SH3RF2: variants seen among roughly 807,000 people sequenced by gnomAD.
The protein encoded by SH3RF2 is E3 ubiquitin-protein ligase SH3RF2.
SH3RF2 carries 43 observed loss-of-function variants against 59.0 expected under a neutral mutation model. The observed-to-expected ratio is 0.73, with a 90% CI of 0.57 to 0.94. The LOEUF (loss-of-function observed/expected upper bound fraction) is 0.94. Ranked by LOEUF, SH3RF2 falls within the 40% of genes least tolerant of loss-of-function variation. The pLI is 0.00. For missense variants in SH3RF2, 930 were observed against 940.1 expected (o/e 0.99, Z 0.14); for synonymous variants, 391 against 391.5 (o/e 1.00, Z 0.01).
intron 2 of SH3RF2, among the ~76,000 whole-genome samples, chr5:145,996,121 C>G (rs1405618960): frequency 6.6e-6 from 1 of 152,172 alleles, no homozygotes; most frequent in African/African-American, 2.4e-5. Context: ...TCCACCATTC[C>G]ATCAGCAAAG....
At chr5:146,038,448 A>G (rs913257407) in intron 5 of SH3RF2, among the ~76,000 whole-genome samples, 1 of 152,238 alleles carries the variant, frequency 6.6e-6, no homozygotes, top group African/African-American at 2.4e-5. Context: ...TCTAGAAAAA[A>G]TGTAATGGGA....
At chr5:146,054,619 C>G (rs1580928788) in intron 7 of SH3RF2, among the ~76,000 whole-genome samples, 1 of 152,188 alleles carries the variant, frequency 6.6e-6, no homozygotes, top group African/African-American at 2.4e-5. Context: ...GGTTGAAGTC[C>G]CCTTGCTGCG....
At chr5:145,966,377 C>T (rs1466100747) in intron 2 of SH3RF2, among the ~76,000 whole-genome samples, 1 of 152,090 alleles carries the variant, frequency 6.6e-6, no homozygotes, top group African/African-American at 2.4e-5. Flanking sequence ...TCAATAACAC[C>T]TACATCCTGG....
Position 145,977,646 on chromosome 5 carries a change from C to T in SH3RF2, c.379-22412C>T, listed in dbSNP as rs139543411. Among the ~76,000 whole-genome samples the T allele has an allele frequency of 1.1e-3, 175 of 152,322 alleles. 1 individual carries two copies. The highest frequency in any genetic ancestry group is 4.2e-3 in the African/African-American group (174 of 41,578). On this transcript the variant is annotated intron_variant, in intron 2 of 9. Coordinates refer to ENST00000359120, the MANE Select transcript of SH3RF2 (RefSeq NM_152550.4). ...GGGGTCTTACAGTATCCCCATATGG[C>T]TGGTCCTATTACTATCAGCTTGCTG...
At chr5:145,964,867 T>C (rs1758799509) in intron 2 of SH3RF2, among the ~76,000 whole-genome samples, 2 of 152,164 alleles carry the variant, frequency 1.3e-5, no homozygotes, top group Non-Finnish European at 2.9e-5. Flanking sequence ...CGTAGGCTTT[T>C]GTTATTTCTG....
chr5:145,939,709 T>C lies in SH3RF2; in HGVS notation c.378+1403T>C, dbSNP rs1361959881. Among the ~76,000 whole-genome samples, 4 of 152,130 alleles carry C rather than the reference T, an allele frequency of 2.6e-5. No homozygotes were observed. In the East Asian group the frequency reaches 7.7e-4, roughly 29 times the overall value. ...ATCCACAGGTCTGGAAATGGCGAAG[T>C]AGGGGTGGGGAAGCAAATTGTTCTC... On this transcript the variant is annotated intron_variant, in intron 2 of 9. Coordinates refer to ENST00000359120, the MANE Select transcript of SH3RF2 (RefSeq NM_152550.4).
intron 5 of SH3RF2, among the ~76,000 whole-genome samples, chr5:146,040,353 A>G (rs980111985): frequency 3.9e-5 from 6 of 152,194 alleles, no homozygotes; most frequent in Non-Finnish European, 7.3e-5. Flanking sequence ...TTTACATTTT[A>G]ATAACAAAGG....
At chr5:146,034,111 A>G (rs1761842478) in intron 5 of SH3RF2, among the ~76,000 whole-genome samples, 1 of 152,250 alleles carries the variant, frequency 6.6e-6, no homozygotes, top group East Asian at 1.9e-4. Flanking sequence ...CCCCTTCTTA[A>G]TGCAAATGCA....
At chr5:146,041,013 G>C (rs6896268) in intron 5 of SH3RF2, among the ~76,000 whole-genome samples, 8 of 151,960 alleles carry the variant, frequency 5.3e-5, no homozygotes, top group Non-Finnish European at 1.0e-4. Flanking sequence ...TGCCTCCTCC[G>C]TATGACCCCT....
intron 2 of SH3RF2, among the ~76,000 whole-genome samples, chr5:145,953,684 C>A (rs1758281473): frequency 6.6e-6 from 1 of 152,092 alleles, no homozygotes; most frequent in African/African-American, 2.4e-5. Flanking sequence ...CCAAAAGTTA[C>A]TTTTTCTGCT....
chr5:146,036,466 G>A (rs921531367), intron 5 of SH3RF2, among the ~76,000 whole-genome samples: 8 of 151,978 alleles, frequency 5.3e-5, no homozygotes, highest in Admixed American at 1.3e-4. Flanking sequence ...AGGCTGAGGC[G>A]GGTGGATCAC....
chr5:145,979,887 C>A (rs1759444131), intron 2 of SH3RF2, among the ~76,000 whole-genome samples: 1 of 152,106 alleles, frequency 6.6e-6, no homozygotes, highest in African/African-American at 2.4e-5. Flanking sequence ...ATATTCCTTC[C>A]ATTTTATACA....
chr5:146,014,685 G>A (rs370155558), intron 5 of SH3RF2, among the ~76,000 whole-genome samples: 20 of 152,120 alleles, frequency 1.3e-4, no homozygotes, highest in Admixed American at 7.2e-4. Flanking sequence ...GGCACAAACC[G>A]GTGAAGCCAG....
At chr5:146,060,323 A>C in intron 9 of SH3RF2, 99 bp downstream of exon 9, 1 of 1,162,716 alleles carries the variant, frequency 8.6e-7, no homozygotes. Flanking sequence ...AAGGAACCAA[A>C]ATTGCAGCCT....
chr5:146,005,858 A>G (rs1337390428), intron 4 of SH3RF2, among the ~76,000 whole-genome samples: 1 of 151,452 alleles, frequency 6.6e-6, no homozygotes, highest in Admixed American at 6.6e-5. Context: ...TCTGTTTAAA[A>G]AAAAAAAAAA....
chr5:145,979,356 T>C (rs961898283), intron 2 of SH3RF2, among the ~76,000 whole-genome samples: 2 of 152,224 alleles, frequency 1.3e-5, no homozygotes, highest in Non-Finnish European at 2.9e-5. Context: ...TTAAACAGCC[T>C]TTCCAGGAGA....
intron 4 of SH3RF2, 33 bp downstream of exon 4, chr5:146,004,186 G>A (rs76930653): frequency 0.012 from 18,304 of 1,552,512 alleles, 143 homozygotes; most frequent in Non-Finnish European, 0.015. Context: ...TCTGATTTAC[G>A]CATACACAGA....
intron 4 of SH3RF2, 47 bp from the exon 5 acceptor site, chr5:146,013,700 A>G: frequency 6.2e-7 from 1 of 1,607,256 alleles, no homozygotes. Context: ...GGCTACTCAC[A>G]TTAGATCAGG....
chr5:145,936,764 G>A (rs1453631873), intron 1 of SH3RF2, 70 bp downstream of exon 1: 1 of 152,298 alleles, frequency 6.6e-6, no homozygotes, highest in Non-Finnish European at 1.5e-5. Context: ...GCTTAGGAAG[G>A]CGAGGCGCCA....
Sources: allele counts gnomAD v4.1 joint callset (sites outside exome capture counted in the v4.1 genomes callset), GRCh38; gene constraint gnomAD v4.1.1; transcripts MANE v1.5; gene names NCBI Gene and HGNC (gene_info 2026-07-23, HGNC 2026-07-21).